Variants in GTF2B observed in about 807,000 individuals in gnomAD.
The protein encoded by GTF2B is transcription initiation factor IIB.
A neutral mutation model predicts 34.6 loss-of-function variants in GTF2B; 20 were observed. That is an observed-to-expected ratio of 0.58 (90% CI 0.41 to 0.84). The LOEUF is 0.84. GTF2B is among the 40% of genes least tolerant of loss of function. GTF2B has a pLI of 0.00. For missense variants in GTF2B, 237 were observed against 393.3 expected, an observed-to-expected ratio of 0.60 and a Z score of 3.36; for synonymous variants, 142 against 132.4, an observed-to-expected ratio of 1.07 and a Z score of -0.50.
intron 2 of GTF2B, among the ~76,000 whole-genome samples, chr1:88,866,416 T>C (rs12035750): frequency 0.28 from 42,093 of 152,012 alleles, 6,957 homozygotes; most frequent in Admixed American, 0.37. Context: ...CTTTTTTCTT[T>C]TCCTTTTTTT....
intron 2 of GTF2B, among the ~76,000 whole-genome samples, chr1:88,871,709 G>T (rs114982885): frequency 0.011 from 1,605 of 152,248 alleles, 25 homozygotes; most frequent in African/African-American, 0.037. Context: ...GTATAAAGTC[G>T]TATAAAAGAC....
At chr1:88,873,579 A>T (rs1364092549) in intron 2 of GTF2B, among the ~76,000 whole-genome samples, 2 of 152,152 alleles carry the variant, frequency 1.3e-5, no homozygotes, top group African/African-American at 4.8e-5. Context: ...CTTAAACAAG[A>T]TAGAAGTTTC....
intron 1 of GTF2B, 133 bp downstream of exon 1, chr1:88,891,350 C>G: frequency 1.6e-6 from 1 of 638,226 alleles, no homozygotes; most frequent in South Asian, 2.0e-5. Flanking sequence ...TGTCCCGGCC[C>G]GTCGGCCAGT....
Position 88,889,010 on chromosome 1 carries a change from A to G in GTF2B, c.18-1643T>C, listed in dbSNP as rs552326238. Among the ~76,000 whole-genome samples the G allele has an allele frequency of 2.0e-5, 3 of 152,316 alleles. No individual in the cohort carries two copies. In the East Asian group the frequency reaches 5.8e-4, roughly 29 times the overall value. ...TTGTAACTGAGCTGCCCACTTTTAA[A>G]ATGTGCTAACTTCATTAAAAAAAGG... On this transcript the variant is annotated intron_variant, in intron 1 of 6. Transcript: ENST00000370500.
intron 6 of GTF2B, among the ~76,000 whole-genome samples, chr1:88,856,788 G>A (rs1322803339): frequency 3.4e-5 from 5 of 147,438 alleles, no homozygotes; most frequent in African/African-American, 1.3e-4. Flanking sequence ...GTTGAGGAAT[G>A]ATGTCTTAAA....
intron 1 of GTF2B, 96 bp from the exon 2 acceptor site, chr1:88,887,463 G>C: frequency 1.3e-6 from 1 of 765,540 alleles, no homozygotes; most frequent in Non-Finnish European, 2.3e-6. Flanking sequence ...GATTGTGAAC[G>C]TTTTTTCATA....
At chr1:88,864,827 C>T (rs1455888633) in intron 2 of GTF2B, among the ~76,000 whole-genome samples, 1 of 152,236 alleles carries the variant, frequency 6.6e-6, no homozygotes, top group Non-Finnish European at 1.5e-5. Context: ...TTAACACATA[C>T]TACTCACTGT....
At chr1:88,876,661 G>A (rs75651839) in intron 2 of GTF2B, among the ~76,000 whole-genome samples, 6,161 of 152,154 alleles carry the variant, frequency 0.04, 368 homozygotes, top group African/African-American at 0.13. Flanking sequence ...GCAACAGAGC[G>A]AGACCCTGTC....
Position 88,882,328 on chromosome 1 carries a change from A to C in GTF2B, c.124+4933T>G, listed in dbSNP as rs1040995442. ...CTCACTCCAAAAAAAAAAAAAAAAA[A>C]AAAAAAAAACGCTACAGAGGTTAGG... is the stretch of plus-strand genomic sequence containing the variant. On this transcript the variant is annotated intron_variant, in intron 2 of 6. Transcript: ENST00000370500. 5.4e-3 allele frequency among the ~76,000 whole-genome samples: 809 copies of C among 150,260 alleles called. 11 individuals carry two copies. The highest frequency in any genetic ancestry group is 9.7e-3 in the Non-Finnish European group (656 of 67,654).
Position 88,873,148 on chromosome 1 carries a change from CA to C in GTF2B, c.125-9035del, listed in dbSNP as rs1362623208. 2.7e-5 allele frequency among the ~76,000 whole-genome samples: 4 copies of C among 150,280 alleles called. No individual in the cohort carries two copies. The East Asian group carries it at 7.9e-4, about 30-fold the overall frequency. On this transcript the variant is annotated intron_variant, in intron 2 of 6. Transcript: ENST00000370500. Reference sequence around the variant, plus strand: ...GTCCCCAGCAGACTAATAGATGACCCAAACAAGAGAAACTTCCCACAGGATT... The same window carrying C: ...GTCCCCAGCAGACTAATAGATGACCCAACAAGAGAAACTTCCCACAGGATT...
At chr1:88,856,804 GT>G (rs139940304) in intron 6 of GTF2B, among the ~76,000 whole-genome samples, 10,333 of 137,712 alleles carry the variant, frequency 0.075, 1,096 homozygotes, top group African/African-American at 0.25. Context: ...TTAAACGTGG[GT>G]TTTTTTTTTT....
chr1:88,890,638 C>T (rs951579331), intron 1 of GTF2B, among the ~76,000 whole-genome samples: 1 of 152,156 alleles, frequency 6.6e-6, no homozygotes. Context: ...TCAACATTGG[C>T]ATGACTCAGT....
intron 2 of GTF2B, among the ~76,000 whole-genome samples, chr1:88,885,910 TTTA>T (rs1372376590): frequency 1.3e-5 from 2 of 152,092 alleles, no homozygotes; most frequent in Non-Finnish European, 2.9e-5. Context: ...AGATTAAAAT[TTTA>T]TTATTATGAA....
At chr1:88,871,634 G>A (rs181774860) in intron 2 of GTF2B, among the ~76,000 whole-genome samples, 1 of 152,332 alleles carries the variant, frequency 6.6e-6, no homozygotes, top group East Asian at 1.9e-4. Flanking sequence ...TAAGGGAATA[G>A]TCATTAGTGC....
chr1:88,859,060 G>A (rs890351305), intron 5 of GTF2B, among the ~76,000 whole-genome samples: 4 of 151,916 alleles, frequency 2.6e-5, no homozygotes, highest in Admixed American at 2.6e-4. Context: ...TAGAGACGGG[G>A]TTTCACCATA....
rs540186166 is a variant in GTF2B at position 88,857,258 on chromosome 1, C to T, written c.765G>A (p.Ala255=). 89 of 1,613,976 alleles carry T rather than the reference C, an allele frequency of 5.5e-5. No homozygotes were observed. The highest frequency in any genetic ancestry group is 4.0e-4 in the South Asian group (36 of 91,066). Residue 255 remains alanine (A), a synonymous_variant, in exon 6 of 7, where the codon GCG becomes GCA. Coordinates refer to ENST00000370500, the MANE Select transcript of GTF2B (RefSeq NM_001514.6). ...VPGRSPISVA[A]AAIYMASQAS... is the part of the protein sequence containing the mutation. Reference sequence around the variant, plus strand: ...CCTGTGAGGCCATGTAAATAGCTGCCGCTGCCACAGAGATGGGGCTCCTCC... The same window carrying T: ...CCTGTGAGGCCATGTAAATAGCTGCTGCTGCCACAGAGATGGGGCTCCTCC...
At chr1:88,880,647 A>ACT (rs1460418144) in intron 2 of GTF2B, among the ~76,000 whole-genome samples, 1 of 152,186 alleles carries the variant, frequency 6.6e-6, no homozygotes, top group Non-Finnish European at 1.5e-5. Context: ...ATGGGATGAA[A>ACT]GGATACTTTC....
chr1:88,853,519 G>A (rs1673236023), intron 6 of GTF2B, among the ~76,000 whole-genome samples, 173 bp from the exon 7 acceptor site: 1 of 152,086 alleles, frequency 6.6e-6, no homozygotes, highest in African/African-American at 2.4e-5. Context: ...GAAAGCGGGA[G>A]CTAGGCCGGG....
intron 6 of GTF2B, among the ~76,000 whole-genome samples, chr1:88,855,953 G>T (rs1673293570): frequency 1.3e-5 from 2 of 152,210 alleles, no homozygotes; most frequent in African/African-American, 4.8e-5. Flanking sequence ...ACTTAGAAAG[G>T]AGTAGTCACT....
Sources: allele counts gnomAD v4.1 joint callset (sites outside exome capture counted in the v4.1 genomes callset), GRCh38; gene constraint gnomAD v4.1.1; transcripts MANE v1.5; gene names NCBI Gene and HGNC (gene_info 2026-07-23, HGNC 2026-07-21).